The following SLC24A4 variants were observed in gnomAD, a reference collection of about 807,000 sequenced individuals.
SLC24A4 encodes the protein sodium/potassium/calcium exchanger 4.
SLC24A4 carries 53 observed loss-of-function variants against 79.0 expected under a neutral mutation model. The ratio of observed to expected loss-of-function variants is 0.67; its 90% CI spans 0.54 to 0.84. The LOEUF is 0.84. Ranked by LOEUF, SLC24A4 falls within the 40% of genes least tolerant of loss-of-function variation. The pLI, the probability that SLC24A4 is intolerant of heterozygous loss-of-function variation, is 0.00. For missense variants in SLC24A4, 731 were observed against 822.0 expected (o/e 0.89, Z 1.35); for synonymous variants, 323 against 323.8 (o/e 1.00, Z 0.03).
intron 2 of SLC24A4, among the ~76,000 whole-genome samples, chr14:92,389,049 A>G (rs531709637): frequency 6.6e-6 from 1 of 152,338 alleles, no homozygotes; most frequent in South Asian, 2.1e-4. Context: ...TCTTCAGAGT[A>G]AACTGGGTGG....
rs141914354 is a variant in SLC24A4 at position 92,398,373 on chromosome 14, C to T, written c.242-35539C>T. 7.9e-5 allele frequency among the ~76,000 whole-genome samples: 12 copies of T among 152,104 alleles called. No homozygotes were observed. Among genetic ancestry groups the T allele is most frequent in the Non-Finnish European group, 1.3e-4 (9 of 67,988 alleles). On this transcript the variant is annotated intron_variant, in intron 2 of 16. Transcript: ENST00000532405. This position sits in a 1 kb window ranked among gnomAD's most constrained non-coding sequence, Gnocchi z 4.1. ...AGGAGGCTGGCAGCAGGCTGGTGGGCGGAGCAAGCATCCACACAGAGTGTT... is the reference window on the plus strand; with the variant it reads ...AGGAGGCTGGCAGCAGGCTGGTGGGTGGAGCAAGCATCCACACAGAGTGTT...
intron 2 of SLC24A4, among the ~76,000 whole-genome samples, chr14:92,374,976 A>G (rs575650840): frequency 4.6e-5 from 7 of 152,316 alleles, no homozygotes; most frequent in Admixed American, 2.0e-4. Context: ...GCGGCCTGCA[A>G]AATTATAACA....
At chr14:92,455,724 T>TA (rs1240582037) in intron 11 of SLC24A4, among the ~76,000 whole-genome samples, 1 of 152,140 alleles carries the variant, frequency 6.6e-6, no homozygotes, top group Non-Finnish European at 1.5e-5. Context: ...AGTGTACTTT[T>TA]TTTTTTTAGG....
intron 2 of SLC24A4, among the ~76,000 whole-genome samples, chr14:92,349,220 C>T (rs1221924428): frequency 3.3e-5 from 5 of 151,064 alleles, no homozygotes; most frequent in South Asian, 2.1e-4. Context: ...AGTGCAGTGG[C>T]GCGATCTCGG....
chr14:92,346,107 G>A (rs1384828483), intron 2 of SLC24A4, among the ~76,000 whole-genome samples: 1 of 152,156 alleles, frequency 6.6e-6, no homozygotes, highest in Non-Finnish European at 1.5e-5. Flanking sequence ...GGGCCCTGAG[G>A]AGGGCACGTG....
chr14:92,375,257 C>G (rs746899185), intron 2 of SLC24A4, among the ~76,000 whole-genome samples: 3 of 152,150 alleles, frequency 2.0e-5, no homozygotes, highest in Non-Finnish European at 4.4e-5. Flanking sequence ...TTCATATCCA[C>G]TAGAATGGCC....
intron 2 of SLC24A4, among the ~76,000 whole-genome samples, chr14:92,412,017 C>A (rs4904902): frequency 0.74 from 112,926 of 151,944 alleles, 42,537 homozygotes; most frequent in East Asian, 0.97. Context: ...GTCCGGGGCC[C>A]GCTGTGGGCA....
rs1884914783 is a variant in SLC24A4 at position 92,323,509 on chromosome 14, C to T, written c.-322C>T. 1 of 184,070 alleles carries T rather than the reference C, an allele frequency of 5.4e-6. No individual in the cohort carries two copies. The highest frequency in any genetic ancestry group is 1.1e-5 in the Non-Finnish European group (1 of 89,360). The allele number at this position is 184,070 out of a possible 1,614,324, so 11.4% of individuals were successfully genotyped here. On this transcript the variant is annotated 5_prime_UTR_variant, in exon 1 of 17. Coordinates refer to ENST00000532405, the MANE Select transcript of SLC24A4 (RefSeq NM_153646.4). The surrounding 1 kb of genome is among the most constrained non-coding windows in gnomAD (Gnocchi z 4.9). ...GAAGCGGAGCGGGCAGGTAGCGGCT[C>T]TAGCGCCGGGACTGCGCCAGCCCTG...
intron 2 of SLC24A4, among the ~76,000 whole-genome samples, chr14:92,358,874 T>G (rs763508078): frequency 1.3e-5 from 2 of 151,820 alleles, no homozygotes; most frequent in East Asian, 1.9e-4. Flanking sequence ...TTAGTAGAGA[T>G]AGGATTTCAC....
At chr14:92,482,111 G>A (rs1268123684) in intron 12 of SLC24A4, among the ~76,000 whole-genome samples, 2 of 152,216 alleles carry the variant, frequency 1.3e-5, no homozygotes, top group South Asian at 4.1e-4. Context: ...CGTGTGCTGG[G>A]TGTTTTATGT....
rs369051399 is a variant in SLC24A4, at chr14:92,402,752, A to C, written c.242-31160A>C. On this transcript the variant is annotated intron_variant, in intron 2 of 16. Coordinates refer to ENST00000532405, the MANE Select transcript of SLC24A4 (RefSeq NM_153646.4). ...AAACTCCACCTTATAAAGCCATCAGATCTTGTGAGAATTATTCACAATCAT... is the reference window on the plus strand; with the variant it reads ...AAACTCCACCTTATAAAGCCATCAGCTCTTGTGAGAATTATTCACAATCAT... Among the ~76,000 whole-genome samples the C allele has an allele frequency of 3.3e-5, 5 of 152,150 alleles. No homozygotes were observed. The East Asian group carries it at 9.7e-4, about 29-fold the overall frequency.
intron 2 of SLC24A4, among the ~76,000 whole-genome samples, chr14:92,425,127 G>A (rs776520594): frequency 2.6e-5 from 4 of 152,224 alleles, no homozygotes; most frequent in Non-Finnish European, 5.9e-5. Context: ...TATGTGCAGA[G>A]AAGAGGCTGT....
At chr14:92,360,226 T>C (rs1451993650) in intron 2 of SLC24A4, among the ~76,000 whole-genome samples, 1 of 151,800 alleles carries the variant, frequency 6.6e-6, no homozygotes, top group Non-Finnish European at 1.5e-5. Context: ...CTAGCCTGTG[T>C]TTTAGTTTTT....
chr14:92,443,823 A>G (rs1892639641), intron 7 of SLC24A4, among the ~76,000 whole-genome samples: 1 of 152,170 alleles, frequency 6.6e-6, no homozygotes, highest in South Asian at 2.1e-4. Context: ...GAATCATCGC[A>G]GAGCTTGGCG....
intron 3 of SLC24A4, among the ~76,000 whole-genome samples, chr14:92,435,381 A>T (rs1892109032): frequency 6.6e-6 from 1 of 152,226 alleles, no homozygotes; most frequent in Admixed American, 6.5e-5. Flanking sequence ...CATTTCTGTA[A>T]TATCTATTTT....
chr14:92,445,913 A>C (rs534763650), intron 8 of SLC24A4, among the ~76,000 whole-genome samples: 1 of 152,314 alleles, frequency 6.6e-6, no homozygotes, highest in South Asian at 2.1e-4. Context: ...ATTAAGATAC[A>C]TAGCCAGGCA....
chr14:92,481,148 AG>A (rs1387726386), intron 12 of SLC24A4, among the ~76,000 whole-genome samples: 2 of 152,222 alleles, frequency 1.3e-5, no homozygotes, highest in African/African-American at 4.8e-5. Context: ...CCTCAAAGTT[AG>A]GCAGAGATGA....
At chr14:92,485,874 A>C (rs1422909369) in intron 13 of SLC24A4, among the ~76,000 whole-genome samples, 1 of 152,220 alleles carries the variant, frequency 6.6e-6, no homozygotes, top group Non-Finnish European at 1.5e-5. Context: ...TCATGGGGTC[A>C]CAGGAACCAC....
rs201417051 is a variant in SLC24A4 at position 92,447,804 on chromosome 14, A to AT, written c.737+380_737+381insT. Among the ~76,000 whole-genome samples, 411 of 152,258 alleles carry AT rather than the reference A, an allele frequency of 2.7e-3. 1 individual carries two copies. The highest frequency in any genetic ancestry group is 9.3e-3 in the African/African-American group (387 of 41,548). Reference sequence around the variant, plus strand: ...GATAATTTAATACCACTCTTTTCAAAAAGCCAGGCAGGTCTGCCCCAGGCT... The same window carrying AT: ...GATAATTTAATACCACTCTTTTCAAATAAGCCAGGCAGGTCTGCCCCAGGCT... On this transcript the variant is annotated intron_variant, in intron 9 of 16. Transcript: ENST00000532405.
Sources: allele counts gnomAD v4.1 joint callset (sites outside exome capture counted in the v4.1 genomes callset), GRCh38; gene constraint gnomAD v4.1.1; non-coding constraint Gnocchi (gnomAD v3.1); transcripts MANE v1.5; gene names NCBI Gene and HGNC (gene_info 2026-07-23, HGNC 2026-07-21).